AMBRA1: variants seen among roughly 807,000 people sequenced by gnomAD.
The protein encoded by AMBRA1 is autophagy and beclin 1 regulator 1.
A neutral mutation model predicts 125.4 loss-of-function variants in AMBRA1; 47 were observed. That is an observed-to-expected ratio of 0.37 (90% CI 0.30 to 0.48). The LOEUF is 0.48. AMBRA1 is among the 20% of genes least tolerant of loss of function. The pLI, the probability that AMBRA1 is intolerant of heterozygous loss-of-function variation, is 0.99. For missense variants in AMBRA1, 1,331 were observed against 1,693.4 expected, an observed-to-expected ratio of 0.79 and a Z score of 3.76; for synonymous variants, 626 against 655.5, an observed-to-expected ratio of 0.95 and a Z score of 0.69.
chr11:46,557,697 A>C (rs1332232183), intron 1 of AMBRA1, among the ~76,000 whole-genome samples: 1 of 151,982 alleles, frequency 6.6e-6, no homozygotes, highest in Admixed American at 6.6e-5. Context: ...GGTTCCAGCT[A>C]CTCGGAAGGC....
chr11:46,397,746 C>T lies in AMBRA1; in HGVS notation c.3601G>A (p.Ala1201Thr), dbSNP rs144388436. 22 of 1,612,484 alleles carry T rather than the reference C, an allele frequency of 1.4e-5. No homozygotes were observed. The highest frequency in any genetic ancestry group is 6.6e-5 in the South Asian group (6 of 91,068). The change falls in exon 18 of 18, where the codon GCC becomes ACC. Residue 1201 changes from alanine to threonine, a missense_variant. Coordinates refer to ENST00000683756, the MANE Select transcript of AMBRA1 (RefSeq NM_001387011.1). ...SSQTGTEPGAAHTSSPQPSTS... is the reference protein window; with the variant it reads ...SSQTGTEPGATHTSSPQPSTS... ...GAGGGCTGGGGTGAGGAGGTGTGGG[C>T]GGCACCAGGTTCAGTGCCCGTCTGA...
intron 1 of AMBRA1, among the ~76,000 whole-genome samples, chr11:46,557,018 C>G (rs2043175116): frequency 6.6e-6 from 1 of 152,014 alleles, no homozygotes; most frequent in African/African-American, 2.4e-5. Context: ...TGCCTGCAAT[C>G]CCAGCTACTT....
chr11:46,593,709 C>T (rs2044689538), intron 1 of AMBRA1, 119 bp downstream of exon 1: 2 of 374,612 alleles, frequency 5.3e-6, no homozygotes, highest in Non-Finnish European at 9.5e-6. Flanking sequence ...GTCCGGTAGC[C>T]CCTCCTCTGG....
At chr11:46,585,538 C>T (rs2044340395) in intron 1 of AMBRA1, among the ~76,000 whole-genome samples, 1 of 144,556 alleles carries the variant, frequency 6.9e-6, no homozygotes, top group Non-Finnish European at 1.5e-5. Flanking sequence ...TGATGGCACA[C>T]GCCTGTAGTC....
At chr11:46,503,827 C>T (rs1227849202) in intron 9 of AMBRA1, among the ~76,000 whole-genome samples, 1 of 152,136 alleles carries the variant, frequency 6.6e-6, no homozygotes, top group Non-Finnish European at 1.5e-5. Flanking sequence ...GCCCGTGTGT[C>T]AAAATTGTGA....
intron 11 of AMBRA1, among the ~76,000 whole-genome samples, chr11:46,485,914 T>C (rs1394127478): frequency 2.0e-5 from 3 of 152,004 alleles, no homozygotes; most frequent in Non-Finnish European, 2.9e-5. Flanking sequence ...AGGGCTGGGG[T>C]AGAAAGGACT....
intron 11 of AMBRA1, among the ~76,000 whole-genome samples, chr11:46,459,109 C>T (rs796240891): frequency 5.8e-4 from 88 of 152,300 alleles, no homozygotes; most frequent in African/African-American, 2.1e-3. Context: ...GAACACCACG[C>T]AGCCACTACT....
At chr11:46,466,718 T>C (rs1397240803) in intron 11 of AMBRA1, among the ~76,000 whole-genome samples, 1 of 152,164 alleles carries the variant, frequency 6.6e-6, no homozygotes, top group Non-Finnish European at 1.5e-5. Flanking sequence ...TTTTTATTTT[T>C]ATCAAAGTAC....
chr11:46,495,388 T>C (rs1218089226), intron 9 of AMBRA1: 1 of 152,176 alleles, frequency 6.6e-6, no homozygotes, highest in African/African-American at 2.4e-5. Flanking sequence ...GAAACAAAAG[T>C]CTATGATGGT....
intron 17 of AMBRA1, among the ~76,000 whole-genome samples, chr11:46,403,406 T>C (rs1945856163): frequency 6.6e-6 from 1 of 152,202 alleles, no homozygotes; most frequent in African/African-American, 2.4e-5. Context: ...CAGATGACCT[T>C]TGCTACGGGT....
At chr11:46,421,520 C>T (rs1050359943) in intron 14 of AMBRA1, among the ~76,000 whole-genome samples, 1 of 152,186 alleles carries the variant, frequency 6.6e-6, no homozygotes, top group Non-Finnish European at 1.5e-5. Flanking sequence ...AGGTTAATCA[C>T]TGATCCATAG....
intron 11 of AMBRA1, among the ~76,000 whole-genome samples, chr11:46,489,885 G>A (rs1391645067): frequency 1.3e-5 from 2 of 152,128 alleles, no homozygotes; most frequent in Non-Finnish European, 2.9e-5. Context: ...TGGCACAGAC[G>A]ACAGAACAGA....
intron 12 of AMBRA1, among the ~76,000 whole-genome samples, chr11:46,443,271 T>C (rs1948108061): frequency 6.6e-6 from 1 of 152,214 alleles, no homozygotes; most frequent in Non-Finnish European, 1.5e-5. Flanking sequence ...TTAATTAAAC[T>C]CGATTAATCC....
intron 7 of AMBRA1, among the ~76,000 whole-genome samples, chr11:46,534,378 C>G (rs1247413784): frequency 6.6e-6 from 1 of 151,824 alleles, no homozygotes; most frequent in South Asian, 2.1e-4. Flanking sequence ...GCCTGTAATC[C>G]CAGCTAGTTG....
chr11:46,520,592 T>C (rs927092524), intron 7 of AMBRA1, among the ~76,000 whole-genome samples: 3 of 150,860 alleles, frequency 2.0e-5, no homozygotes, highest in Admixed American at 1.3e-4. Context: ...ATTTTGTTTT[T>C]CTTTTCTTTT....
At chr11:46,507,295 T>A (rs778497069) in intron 9 of AMBRA1, among the ~76,000 whole-genome samples, 7 of 147,106 alleles carry the variant, frequency 4.8e-5, no homozygotes, top group Non-Finnish European at 8.9e-5. Context: ...CTGGCTAACA[T>A]GGTGAAACCC....
intron 7 of AMBRA1, among the ~76,000 whole-genome samples, chr11:46,529,761 A>G (rs1047065988): frequency 1.1e-4 from 17 of 152,164 alleles, no homozygotes; most frequent in African/African-American, 3.9e-4. Context: ...AAACATCCAA[A>G]TTTTTAGAAA....
intron 10 of AMBRA1, 190 bp from the exon 11 acceptor site, chr11:46,493,898 C>T (rs1027704303): frequency 1.4e-5 from 9 of 635,456 alleles, no homozygotes; most frequent in Admixed American, 3.0e-5. Context: ...TTCTAAAGTT[C>T]CCCCAACACT....
chr11:46,507,009 C>CAA (rs1195308304), intron 9 of AMBRA1, among the ~76,000 whole-genome samples: 84 of 79,880 alleles, frequency 1.1e-3, no homozygotes, highest in African/African-American at 3.3e-3. Context: ...ACTAAAAATA[C>CAA]AAAAAAAAAA....
Sources: gnomAD v4.1 joint callset for allele counts (sites outside exome capture counted in the v4.1 genomes callset) on GRCh38, gnomAD v4.1.1 for gene constraint, MANE v1.5 for transcripts, NCBI Gene and HGNC (gene_info 2026-07-23, HGNC 2026-07-21) for gene names.